KYNU: variants seen among roughly 807,000 people sequenced by gnomAD.
KYNU encodes L-kynurenine hydrolase.
Under a neutral mutation model 59.2 loss-of-function variants are expected in KYNU, and 54 were observed. The ratio of observed to expected loss-of-function variants is 0.91; its 90% CI spans 0.73 to 1.14. The LOEUF (loss-of-function observed/expected upper bound fraction) is 1.14. Ranked by LOEUF, KYNU falls within the 50% of genes most tolerant of loss-of-function variation. The pLI is 0.00. For synonymous variants in KYNU, 177 were observed against 192.0 expected (o/e 0.92, Z 0.65); for missense variants, 567 against 554.4 (o/e 1.02, Z -0.23).
At chr2:142,933,916 G>A (rs1683303783) in intron 4 of KYNU, among the ~76,000 whole-genome samples, 1 of 152,180 alleles carries the variant, frequency 6.6e-6, no homozygotes, top group Non-Finnish European at 1.5e-5. Context: ...GGGAATCAAG[G>A]TGTAAAGGAA....
chr2:143,011,615 T>C (rs1438192777), intron 10 of KYNU, among the ~76,000 whole-genome samples: 3 of 43,086 alleles, frequency 7.0e-5, no homozygotes, highest in Non-Finnish European at 1.2e-4. Context: ...CATGCACACG[T>C]ATGTTTATTG....
At chr2:142,961,103 G>A (rs1349345729) in intron 8 of KYNU, among the ~76,000 whole-genome samples, 2 of 151,622 alleles carry the variant, frequency 1.3e-5, no homozygotes, top group African/African-American at 4.9e-5. Context: ...TGAGGCAGAA[G>A]AGTCACTTGA....
intron 2 of KYNU, among the ~76,000 whole-genome samples, chr2:142,891,248 C>T (rs1045086451): frequency 5.3e-5 from 8 of 151,986 alleles, no homozygotes; most frequent in African/African-American, 1.9e-4. Context: ...CATTATAATC[C>T]AATTTTAGAA....
chr2:142,890,608 G>A (rs1681681256), intron 2 of KYNU, among the ~76,000 whole-genome samples: 2 of 152,150 alleles, frequency 1.3e-5, no homozygotes, highest in South Asian at 4.1e-4. Context: ...TCCTGGGGTA[G>A]CTGGAACTAC....
At chr2:143,022,904 C>G (rs1686449369) in intron 10 of KYNU, among the ~76,000 whole-genome samples, 1 of 151,874 alleles carries the variant, frequency 6.6e-6, no homozygotes, top group African/African-American at 2.4e-5. Flanking sequence ...GTATTCCTCT[C>G]CCTCACCACA....
chr2:142,930,466 TAAAC>T lies in KYNU; in HGVS notation c.373+2728_373+2731del, dbSNP rs1165206201. Among the ~76,000 whole-genome samples, 6 of 152,262 alleles carry T rather than the reference TAAAC, an allele frequency of 3.9e-5. No homozygotes were observed. In the East Asian group the frequency reaches 1.2e-3, roughly 29 times the overall value. On this transcript the variant is annotated intron_variant, in intron 4 of 13. Coordinates refer to ENST00000264170, the MANE Select transcript of KYNU (RefSeq NM_003937.3). ...GACAAACACCACAGACTGGGTGGCT[TAAAC>T]AATATAAGTTTATTTTTTCGCAGTA...
At chr2:142,936,112 G>A (rs1414320523) in intron 4 of KYNU, among the ~76,000 whole-genome samples, 1 of 152,114 alleles carries the variant, frequency 6.6e-6, no homozygotes, top group Non-Finnish European at 1.5e-5. Flanking sequence ...GGTAGGGTTG[G>A]GAGGAGAAAG....
intron 1 of KYNU, among the ~76,000 whole-genome samples, chr2:142,884,187 C>T (rs1215795110): frequency 6.6e-6 from 1 of 152,168 alleles, no homozygotes; most frequent in East Asian, 1.9e-4. Context: ...TCACACAATC[C>T]TGTTTGTTCT....
intron 4 of KYNU, chr2:142,948,056 A>T (rs992092629): frequency 1.5e-4 from 23 of 152,156 alleles, no homozygotes; most frequent in African/African-American, 5.6e-4. Flanking sequence ...CACCGAAGAA[A>T]TCATCAATAA....
chr2:143,017,434 C>CTTTT lies in KYNU; in HGVS notation c.903-12172_903-12169dup, dbSNP rs1184177776. ...TTTTTTGACCTTTTCTCTCTTTTTT[C>CTTTT]TTTTTTTTTTTTTTTTTTTTTTTTG... is the stretch of plus-strand genomic sequence containing the variant. On this transcript the variant is annotated intron_variant, in intron 10 of 13. Coordinates refer to ENST00000264170, the MANE Select transcript of KYNU (RefSeq NM_003937.3). Among the ~76,000 whole-genome samples the CTTTT allele has an allele frequency of 4.8e-3, 331 of 68,444 alleles. 2 individuals are homozygous for CTTTT. The highest frequency in any genetic ancestry group is 7.5e-3 in the African/African-American group (126 of 16,768). 44.9% of individuals were successfully genotyped at this position (68,444 alleles called of 152,430 possible). A position where few individuals can be genotyped will look rare whatever the true frequency, so the allele number is the denominator to read the frequency against.
chr2:143,006,523 GCCA>G (rs1685904821), intron 10 of KYNU, among the ~76,000 whole-genome samples: 1 of 81,010 alleles, frequency 1.2e-5, no homozygotes, highest in Non-Finnish European at 2.4e-5. Context: ...AAACAAAGCA[GCCA>G]GGAAGCTCAA....
At chr2:142,886,908 C>T (rs867797429) in intron 2 of KYNU, among the ~76,000 whole-genome samples, 9 of 152,254 alleles carry the variant, frequency 5.9e-5, no homozygotes, top group Non-Finnish European at 7.4e-5. Flanking sequence ...CGGTGGCTCA[C>T]GCCTGTAATC....
intron 10 of KYNU, chr2:142,989,917 G>A (rs984960488): frequency 1.3e-5 from 2 of 151,774 alleles, no homozygotes; most frequent in Non-Finnish European, 2.9e-5. Flanking sequence ...ACAGCAAATT[G>A]CATCTGTACC....
In KYNU at chr2:142,931,651, T is replaced by G. The variant is rs150250200; in HGVS notation, c.373+3910T>G. 4.8e-3 allele frequency among the ~76,000 whole-genome samples: 725 copies of G among 152,290 alleles called. 6 individuals are homozygous for G. Among genetic ancestry groups the G allele is most frequent in the African/African-American group, 0.017 (691 of 41,552 alleles). On this transcript the variant is annotated intron_variant, in intron 4 of 13. Transcript: ENST00000264170. ...CTATAAAAAGAGGCTGCTTTTGGTG[T>G]TGTGTGGAGTCTCATGAGGGCAAAA...
intron 2 of KYNU, among the ~76,000 whole-genome samples, chr2:142,889,439 C>T (rs544971504): frequency 6.8e-4 from 104 of 152,178 alleles, no homozygotes; most frequent in African/African-American, 2.3e-3. Context: ...AAGGTCAGTG[C>T]GTGAGCTTTC....
intron 3 of KYNU, among the ~76,000 whole-genome samples, chr2:142,920,016 G>A (rs932709789): frequency 4.1e-4 from 62 of 152,294 alleles, no homozygotes; most frequent in African/African-American, 1.5e-3. Flanking sequence ...AGGTTGCAGT[G>A]AGTGGAGATC....
At chr2:143,016,019 TG>T (rs1449314656) in intron 10 of KYNU, among the ~76,000 whole-genome samples, 1 of 152,230 alleles carries the variant, frequency 6.6e-6, no homozygotes, top group African/African-American at 2.4e-5. Flanking sequence ...TTCTCCAGAC[TG>T]TTCAAAATCT....
At chr2:143,032,711 T>TTGTGTGTGTGTGTGTGTG (rs61062901) in intron 11 of KYNU, among the ~76,000 whole-genome samples, 16,814 of 129,174 alleles carry the variant, frequency 0.13, 1,463 homozygotes, top group Middle Eastern at 0.19. Context: ...GCTCCCTCTA[T>TTGTGTGTGTGTGTGTGTG]TGTGTGTGTG....
chr2:142,957,751 G>C (rs773541726), intron 7 of KYNU, 36 bp downstream of exon 7: 1 of 1,293,182 alleles, frequency 7.7e-7, no homozygotes, highest in South Asian at 1.2e-5. Context: ...GTCATGCTTT[G>C]TTTAGTATTG....
Sources: allele counts gnomAD v4.1 joint callset (sites outside exome capture counted in the v4.1 genomes callset), GRCh38; gene constraint gnomAD v4.1.1; transcripts MANE v1.5; gene names NCBI Gene and HGNC (gene_info 2026-07-23, HGNC 2026-07-21).